FNIP1: variants seen among roughly 807,000 people sequenced by gnomAD.
The protein encoded by FNIP1 is folliculin interacting protein 1, also known as folliculin-interacting protein 1.
A neutral mutation model predicts 124.5 loss-of-function variants in FNIP1; 40 were observed. That is an observed-to-expected ratio of 0.32 (90% confidence interval 0.25 to 0.42). FNIP1 has a LOEUF of 0.42. FNIP1 is among the 10% of genes least tolerant of loss of function. The probability of loss-of-function intolerance (pLI) is 1.00; values close to 1 mark genes in which losing one functional copy is unlikely to be tolerated. For missense variants in FNIP1, 1,176 were observed against 1,403.7 expected (o/e 0.84, Z 2.59); for synonymous variants, 472 against 470.6 (o/e 1.00, Z -0.04).
At chr5:131,700,422 A>G (rs997271610) in intron 10 of FNIP1, among the ~76,000 whole-genome samples, 7 of 152,250 alleles carry the variant, frequency 4.6e-5, no homozygotes, top group African/African-American at 1.7e-4. Flanking sequence ...TGAATTCTGT[A>G]TTCTTTATAT....
In FNIP1 at chr5:131,771,767, T is replaced by G. The variant is rs1484676497; in HGVS notation, c.92+25063A>C. ...TTCCTTATACCTCTGATTTGTTTCT[T>G]TCACCTATTTATCTTTAAAAAGTTT... On this transcript the variant is annotated intron_variant, in intron 1 of 17. Transcript: ENST00000510461. Among the ~76,000 whole-genome samples, 4 of 152,286 alleles carry G rather than the reference T, an allele frequency of 2.6e-5. No homozygotes were observed. In the East Asian group the frequency reaches 7.7e-4, roughly 29 times the overall value.
intron 2 of FNIP1, among the ~76,000 whole-genome samples, chr5:131,735,548 ATATACATATACACATATTTATATATG>A (rs1190374536): frequency 6.7e-6 from 1 of 148,254 alleles, no homozygotes; most frequent in Admixed American, 6.8e-5. Flanking sequence ...ATATACATGT[ATATACATATACACATATTTATATATG>A]TATACATATA....
At chr5:131,653,994 C>T (rs1426430136) in intron 15 of FNIP1, among the ~76,000 whole-genome samples, 1 of 152,256 alleles carries the variant, frequency 6.6e-6, no homozygotes, top group Non-Finnish European at 1.5e-5. Context: ...CCTACCTTGG[C>T]CTCCCAAAGT....
intron 1 of FNIP1, among the ~76,000 whole-genome samples, chr5:131,766,128 G>A (rs1771415808): frequency 6.8e-6 from 1 of 147,254 alleles, no homozygotes; most frequent in African/African-American, 2.5e-5. Flanking sequence ...TTTCTTTTGA[G>A]ACACGGTCTC....
chr5:131,665,085 T>C (rs1478097658), intron 15 of FNIP1, among the ~76,000 whole-genome samples: 1 of 152,036 alleles, frequency 6.6e-6, no homozygotes, highest in Non-Finnish European at 1.5e-5. Context: ...ATAATAATCA[T>C]AACAAGAAGA....
chr5:131,720,721 C>CATACAA (rs1159833692), intron 3 of FNIP1, among the ~76,000 whole-genome samples: 1 of 152,140 alleles, frequency 6.6e-6, no homozygotes, highest in Non-Finnish European at 1.5e-5. Flanking sequence ...CCAAAGAATT[C>CATACAA]ATACAAATGA....
rs70974007 is a variant in FNIP1, at chr5:131,693,333, CATATAT to C, written c.1202+5578_1202+5583del. On this transcript the variant is annotated intron_variant, in intron 11 of 17. Coordinates refer to ENST00000510461, the MANE Select transcript of FNIP1 (RefSeq NM_133372.3). ...ATATATATACACATATATATATATA[CATATAT>C]ATATATATATATATATATATATAGT... Among the ~76,000 whole-genome samples, 306 of 50,154 alleles carry C rather than the reference CATATAT, an allele frequency of 6.1e-3. 4 individuals carry two copies. Among genetic ancestry groups the C allele is most frequent in the African/African-American group, 0.017 (244 of 14,718 alleles). The allele number at this position is 50,154 out of a possible 152,430, so 32.9% of individuals were successfully genotyped here.
At chr5:131,706,341 T>TA in intron 9 of FNIP1, 70 bp downstream of exon 9, 1 of 1,433,470 alleles carries the variant, frequency 7.0e-7, no homozygotes, top group African/African-American at 1.4e-5. Context: ...GTCCAGGTTC[T>TA]AAAAAACCCA....
intron 3 of FNIP1, among the ~76,000 whole-genome samples, chr5:131,729,734 C>G (rs1770012236): frequency 6.6e-6 from 1 of 151,586 alleles, no homozygotes; most frequent in Non-Finnish European, 1.5e-5. Context: ...CACACCACCA[C>G]ACACAGCTAA....
intron 3 of FNIP1, among the ~76,000 whole-genome samples, chr5:131,725,043 C>T (rs892146149): frequency 2.6e-5 from 4 of 152,140 alleles, no homozygotes; most frequent in African/African-American, 4.8e-5. Flanking sequence ...GGCCTCTGTT[C>T]TGTTCCACTG....
chr5:131,659,279 T>C (rs184741651), intron 15 of FNIP1, among the ~76,000 whole-genome samples: 115 of 152,032 alleles, frequency 7.6e-4, no homozygotes, highest in South Asian at 6.2e-3. Context: ...CATGATGGAG[T>C]TGAAGGTAGT....
intron 15 of FNIP1, among the ~76,000 whole-genome samples, chr5:131,665,535 G>A (rs1478638548): frequency 1.3e-5 from 2 of 149,170 alleles, no homozygotes; most frequent in African/African-American, 2.5e-5. Flanking sequence ...AAAATTTCAT[G>A]TTAAATATGA....
intron 2 of FNIP1, among the ~76,000 whole-genome samples, chr5:131,744,081 A>C (rs2149560392): frequency 6.6e-6 from 1 of 152,298 alleles, no homozygotes; most frequent in Middle Eastern, 3.4e-3. Flanking sequence ...GCTGTTTAAC[A>C]TAAAAGAGAA....
rs922729510 is a variant in FNIP1, at chr5:131,671,924, A to G, written c.2520T>C (p.Asn840=). ...TAGTCCTGGTTTCGATTGAATCATCATTAAAATATTCGTCGAATAAGCTCA... is the reference window on the plus strand; with the variant it reads ...TAGTCCTGGTTTCGATTGAATCATCGTTAAAATATTCGTCGAATAAGCTCA... ...ESMSLFDEYF[N]DDSIETRTID... is the part of the protein sequence containing the mutation. Residue 840 remains asparagine, a synonymous_variant, in exon 14 of 18, where the codon AAT becomes AAC. Transcript: ENST00000510461. The G allele has an allele frequency of 1.2e-5, 20 of 1,614,098 alleles. No individual in the cohort carries two copies. The highest frequency in any genetic ancestry group is 1.0e-4 in the Admixed American group (6 of 60,012).
chr5:131,771,028 G>A (rs994037819), intron 1 of FNIP1, among the ~76,000 whole-genome samples: 3 of 152,026 alleles, frequency 2.0e-5, no homozygotes, highest in Non-Finnish European at 4.4e-5. Context: ...ATGCTAGTGC[G>A]CTGCACCCAC....
At chr5:131,787,444 G>C (rs1772253704) in intron 1 of FNIP1, among the ~76,000 whole-genome samples, 1 of 152,170 alleles carries the variant, frequency 6.6e-6, no homozygotes, top group Non-Finnish European at 1.5e-5. Context: ...CAGTACTGGG[G>C]CATGGATCTG....
intron 11 of FNIP1, among the ~76,000 whole-genome samples, chr5:131,697,530 G>C (rs1768741116): frequency 6.6e-6 from 1 of 152,052 alleles, no homozygotes; most frequent in Non-Finnish European, 1.5e-5. Flanking sequence ...GTTTCATGTT[G>C]AAATAGATTT....
intron 2 of FNIP1, among the ~76,000 whole-genome samples, chr5:131,738,072 C>CT (rs1283715676): frequency 2.6e-5 from 4 of 151,856 alleles, no homozygotes; most frequent in African/African-American, 4.8e-5. Context: ...TTTTGCTTTT[C>CT]TTTTTTTTAA....
chr5:131,781,656 TCAGAAAAAAA>T (rs1479247216), intron 1 of FNIP1, among the ~76,000 whole-genome samples: 1 of 152,096 alleles, frequency 6.6e-6, no homozygotes, highest in African/African-American at 2.4e-5. Flanking sequence ...GACCTACCGC[TCAGAAAAAAA>T]CATTCCTTTC....
Sources: allele counts gnomAD v4.1 joint callset (sites outside exome capture counted in the v4.1 genomes callset), GRCh38; gene constraint gnomAD v4.1.1; transcripts MANE v1.5; gene names NCBI Gene and HGNC (gene_info 2026-07-23, HGNC 2026-07-21).